GOLGA1: variants seen among roughly 807,000 people sequenced by gnomAD.
GOLGA1 encodes the protein golgin subfamily A member 1.
Under a neutral mutation model 119.7 loss-of-function variants are expected in GOLGA1, and 63 were observed. That is an observed-to-expected ratio of 0.53 (90% confidence interval 0.43 to 0.65). The LOEUF (loss-of-function observed/expected upper bound fraction) is 0.65, where lower values mean the gene tolerates loss of function less well. Among genes scored for constraint, GOLGA1 ranks in the 30% least tolerant of loss-of-function variants. GOLGA1 has a pLI of 0.00. For synonymous variants in GOLGA1, 318 were observed against 333.4 expected (o/e 0.95, Z 0.50); for missense variants, 798 against 912.8 (o/e 0.87, Z 1.62).
chr9:124,933,671 C>T (rs1212629353), intron 3 of GOLGA1, among the ~76,000 whole-genome samples: 1 of 152,120 alleles, frequency 6.6e-6, no homozygotes, highest in African/African-American at 2.4e-5. Flanking sequence ...TGCCTTGGTC[C>T]CCCAAAGTGC....
At position 124,911,304 on chromosome 9, in the gene GOLGA1, TG is replaced by T. The variant is rs779826212; in HGVS notation, c.969+596del. Among the ~76,000 whole-genome samples, 254 of 152,264 alleles carry T rather than the reference TG, an allele frequency of 1.7e-3. 3 individuals are homozygous for T. The highest frequency in any genetic ancestry group is 2.5e-3 in the Non-Finnish European group (173 of 68,022). Reference sequence around the variant, plus strand: ...ATGGAGGTATTTAGTTGAAACTGACTGAAGAAAGAAAGGGAGGGTCTAATCT... The same window carrying T: ...ATGGAGGTATTTAGTTGAAACTGACTAAGAAAGAAAGGGAGGGTCTAATCT... On this transcript the variant is annotated intron_variant, in intron 11 of 22. Transcript: ENST00000373555.
chr9:124,919,455 C>T (rs983758477), intron 10 of GOLGA1, among the ~76,000 whole-genome samples: 23 of 152,208 alleles, frequency 1.5e-4, no homozygotes, highest in Admixed American at 5.2e-4. Context: ...CATTCATTCA[C>T]GTATATATTT....
chr9:124,896,103 C>T (rs1829981736), intron 15 of GOLGA1, among the ~76,000 whole-genome samples: 1 of 152,152 alleles, frequency 6.6e-6, no homozygotes, highest in Non-Finnish European at 1.5e-5. Flanking sequence ...ATTTTTTTCT[C>T]ATTCCTAAGT....
Position 124,900,472 on chromosome 9 carries a change from C to T in GOLGA1, c.1141G>A (p.Glu381Lys), listed in dbSNP as rs1166293496. The change falls in exon 13 of 23, where the codon GAA becomes AAA. Residue 381 changes from glutamate (E) to lysine (K), a missense_variant. Coordinates refer to ENST00000373555, the MANE Select transcript of GOLGA1 (RefSeq NM_002077.4). ...QQSKGIVAAQETQIQELAAAN... is the reference protein window; with the variant it reads ...QQSKGIVAAQKTQIQELAAAN... Reference sequence around the variant, plus strand: ...CTTACGAGCTCCTGTATCTGAGTTTCCTGGGCAGCCACAATGCCCTTGCTC... The same window carrying T: ...CTTACGAGCTCCTGTATCTGAGTTTTCTGGGCAGCCACAATGCCCTTGCTC... 2 of 1,582,308 alleles carry T rather than the reference C, an allele frequency of 1.3e-6. No homozygotes were observed. The highest frequency in any genetic ancestry group is 2.2e-5 in the East Asian group (1 of 44,738).
Position 124,882,439 on chromosome 9 carries a change from C to G in GOLGA1, c.1965+71G>C, listed in dbSNP as rs951888017. On this transcript the variant is annotated intron_variant, in intron 20 of 22. Transcript: ENST00000373555. ...GGAGCATAGTCAGGCGGCGAGGGACCTCAGGAGGACCGGGCACAGGCAGCA... is the reference window on the plus strand; with the variant it reads ...GGAGCATAGTCAGGCGGCGAGGGACGTCAGGAGGACCGGGCACAGGCAGCA... 19 of 1,155,176 alleles carry G rather than the reference C, an allele frequency of 1.6e-5. No homozygotes were observed. In the African/African-American group the frequency reaches 2.9e-4, roughly 17 times the overall value. 71.6% of individuals were successfully genotyped at this position (1,155,176 alleles called of 1,614,324 possible). A position where few individuals can be genotyped will look rare whatever the true frequency, so the allele number is the denominator to read the frequency against.
chr9:124,929,595 T>C (rs961351819), intron 4 of GOLGA1, among the ~76,000 whole-genome samples: 1 of 152,212 alleles, frequency 6.6e-6, no homozygotes, highest in Non-Finnish European at 1.5e-5. Flanking sequence ...AACACAGATT[T>C]ATCTCATGAC....
At chr9:124,939,676 C>G (rs561889823) in intron 2 of GOLGA1, among the ~76,000 whole-genome samples, 1 of 149,904 alleles carries the variant, frequency 6.7e-6, no homozygotes, top group East Asian at 2.0e-4. Context: ...GATTCTCCTG[C>G]CTCAGCCTCC....
At chr9:124,912,162 C>T in intron 10 of GOLGA1, 136 bp from the exon 11 acceptor site, 5 of 744,866 alleles carry the variant, frequency 6.7e-6, no homozygotes, top group Non-Finnish European at 8.6e-6. Context: ...AAGAGATCTT[C>T]CTGAAAATGG....
chr9:124,895,977 C>T (rs1449358238), intron 15 of GOLGA1, among the ~76,000 whole-genome samples: 1 of 152,222 alleles, frequency 6.6e-6, no homozygotes, highest in Non-Finnish European at 1.5e-5. Context: ...AACAGAGAAC[C>T]ATCCACAACA....
At chr9:124,900,697 T>G (rs942413722) in intron 12 of GOLGA1, 150 bp from the exon 13 acceptor site, 1 of 505,658 alleles carries the variant, frequency 2.0e-6, no homozygotes, top group African/African-American at 2.0e-5. Context: ...TCTACCATTA[T>G]AAAACACTAG....
chr9:124,945,977 T>C (rs1831139341), upstream of GOLGA1: 1 of 152,214 alleles, frequency 6.6e-6, no homozygotes, highest in South Asian at 2.1e-4. Context: ...CTGGGTTTTC[T>C]AAGCAAGTGT....
intron 10 of GOLGA1, among the ~76,000 whole-genome samples, chr9:124,914,333 T>C (rs573914079): frequency 3.4e-4 from 52 of 152,136 alleles, no homozygotes; most frequent in African/African-American, 1.2e-3. Context: ...CCATCTCTAC[T>C]AAAAATACAA....
chr9:124,907,831 AG>A (rs1476546531), intron 12 of GOLGA1, among the ~76,000 whole-genome samples: 2 of 152,238 alleles, frequency 1.3e-5, no homozygotes, highest in African/African-American at 4.8e-5. Flanking sequence ...AGGCATATAT[AG>A]GAACGCTCAT....
intron 15 of GOLGA1, among the ~76,000 whole-genome samples, chr9:124,895,927 C>T (rs1334618396): frequency 6.7e-6 from 1 of 148,864 alleles, no homozygotes; most frequent in Non-Finnish European, 1.5e-5. Context: ...CAACAGAGAC[C>T]CTCCACAACA....
intron 15 of GOLGA1, 67 bp downstream of exon 15, chr9:124,898,482 G>C: frequency 1.2e-6 from 1 of 866,430 alleles, no homozygotes; most frequent in East Asian, 2.4e-5. Context: ...GAGAAGTGGG[G>C]CACTGTAAAT....
At chr9:124,931,948 C>A (rs1830778715) in intron 3 of GOLGA1, among the ~76,000 whole-genome samples, 1 of 152,180 alleles carries the variant, frequency 6.6e-6, no homozygotes, top group Non-Finnish European at 1.5e-5. Context: ...TTTTCCCCAA[C>A]AAACCAGATT....
At chr9:124,917,354 A>G (rs954348768) in intron 10 of GOLGA1, among the ~76,000 whole-genome samples, 8 of 152,194 alleles carry the variant, frequency 5.3e-5, no homozygotes, top group African/African-American at 1.7e-4. Flanking sequence ...TATACTCAAT[A>G]AAGACAAGAA....
At position 124,931,339 on chromosome 9, in the gene GOLGA1, C is replaced by T. The variant is rs375928167; in HGVS notation, c.203G>A (p.Arg68Gln). The change falls in exon 4 of 23, where the codon CGG becomes CAG. Residue 68 changes from arginine (R) to glutamine (Q), a missense_variant. Physicochemically the swap from Arg to Gln is conservative, Grantham distance 43 (BLOSUM62 1). Transcript: ENST00000373555. Reference protein sequence around the residue: ...SQLLRRNEQIRKLEARLSDYA... With the variant: ...SQLLRRNEQIQKLEARLSDYA... ...ACCAGAAAGTCTGGCCTCTAACTTC[C>T]GTATCTGTTCATTCCTTCTCAGAAG... The T allele has an allele frequency of 3.3e-5, 52 of 1,575,244 alleles. No homozygotes were observed. The highest frequency in any genetic ancestry group is 5.0e-5 in the Admixed American group (3 of 59,922).
At chr9:124,886,482 A>G (rs986896477) in intron 19 of GOLGA1, among the ~76,000 whole-genome samples, 2 of 152,170 alleles carry the variant, frequency 1.3e-5, no homozygotes, top group African/African-American at 2.4e-5. Flanking sequence ...GAGCTTGACA[A>G]GAGTGTTTTT....
Sources: gnomAD v4.1 joint callset for allele counts (sites outside exome capture counted in the v4.1 genomes callset) on GRCh38, gnomAD v4.1.1 for gene constraint, MANE v1.5 for transcripts, NCBI Gene and HGNC (gene_info 2026-07-23, HGNC 2026-07-21) for gene names.